SDK1: variants seen among roughly 807,000 people sequenced by gnomAD.
SDK1 encodes protein sidekick-1.
SDK1 carries 157 observed loss-of-function variants against 245.5 expected under a neutral mutation model. The ratio of observed to expected loss-of-function variants is 0.64; its 90% CI spans 0.56 to 0.73. The LOEUF (loss-of-function observed/expected upper bound fraction) is 0.73. SDK1 is among the 30% of genes least tolerant of loss of function. The pLI is 0.00. For missense variants in SDK1, 3,583 were observed against 3,002.3 expected (o/e 1.19, Z -4.52); for synonymous variants, 1,647 against 1,278.5 (o/e 1.29, Z -6.15).
intron 44 of SDK1, among the ~76,000 whole-genome samples, chr7:4,260,418 T>A (rs13232862): frequency 8.4e-4 from 58 of 68,926 alleles, no homozygotes; most frequent in East Asian, 2.4e-3. Flanking sequence ...GTGTGGGAAG[T>A]TGTGTTCATC....
chr7:4,020,388 C>G (rs1786792195), intron 17 of SDK1, among the ~76,000 whole-genome samples: 1 of 152,202 alleles, frequency 6.6e-6, no homozygotes, highest in South Asian at 2.1e-4. Context: ...GCCAGCCACG[C>G]TGCCGCTGAA....
At chr7:4,208,430 C>A in intron 37 of SDK1, 145 bp downstream of exon 37, 1 of 718,518 alleles carries the variant, frequency 1.4e-6, no homozygotes. Context: ...TCTGGATGGG[C>A]AGGACTGGGT....
At position 4,192,531 on chromosome 7, in the gene SDK1, T is replaced by C. The variant is rs371161265; in HGVS notation, c.5099-13348T>C. 4.5e-4 allele frequency among the ~76,000 whole-genome samples: 69 copies of C among 152,302 alleles called. 1 individual carries two copies. The highest frequency in any genetic ancestry group is 1.7e-3 in the African/African-American group (69 of 41,568). ...AACTCGTGATCCACCCGCCTCGGCC[T>C]CCTGAAGTGCTGGGATTACAGGTGT... On this transcript the variant is annotated intron_variant, in intron 35 of 44. Transcript: ENST00000404826.
chr7:3,384,095 G>A (rs2177167), intron 1 of SDK1, among the ~76,000 whole-genome samples: 71,979 of 152,010 alleles, frequency 0.47, 18,830 homozygotes, highest in East Asian at 0.61. Flanking sequence ...AGAAATAATG[G>A]GCAGTTATCA....
chr7:3,675,091 G>T (rs892106900), intron 4 of SDK1, among the ~76,000 whole-genome samples: 1 of 152,156 alleles, frequency 6.6e-6, no homozygotes, highest in East Asian at 1.9e-4. Flanking sequence ...CCATCTCCAC[G>T]TGTGAATCTA....
chr7:3,899,586 C>G (rs2128104772), intron 5 of SDK1, among the ~76,000 whole-genome samples: 1 of 152,376 alleles, frequency 6.6e-6, no homozygotes, highest in African/African-American at 2.4e-5. Flanking sequence ...AGGTGGCACA[C>G]TGCCTTGACC....
In SDK1 at chr7:3,836,947, C is replaced by T. The variant is rs185936788; in HGVS notation, c.847+15364C>T. On this transcript the variant is annotated intron_variant, in intron 5 of 44. Coordinates refer to ENST00000404826, the MANE Select transcript of SDK1 (RefSeq NM_152744.4). ...AGAGCCACCTTTCCACTGATCCTCACGTGGCCTCTCTGGGCATTGGGGGTG... is the reference window on the plus strand; with the variant it reads ...AGAGCCACCTTTCCACTGATCCTCATGTGGCCTCTCTGGGCATTGGGGGTG... Among the ~76,000 whole-genome samples, 12 of 152,216 alleles carry T rather than the reference C, an allele frequency of 7.9e-5. No homozygotes were observed. In the East Asian group the frequency reaches 1.4e-3, roughly 17 times the overall value.
intron 1 of SDK1, among the ~76,000 whole-genome samples, chr7:3,583,786 G>T (rs904664190): frequency 6.6e-6 from 1 of 152,126 alleles, no homozygotes; most frequent in Non-Finnish European, 1.5e-5. Context: ...GAATGCCACC[G>T]AGAGGGCGGC....
chr7:4,127,909 C>T (rs1300137983), intron 26 of SDK1, among the ~76,000 whole-genome samples: 2 of 152,168 alleles, frequency 1.3e-5, no homozygotes, highest in African/African-American at 2.4e-5. Flanking sequence ...TTACACAGCA[C>T]GCCTTGCTCA....
At chr7:3,772,079 G>A (rs897641033) in intron 4 of SDK1, among the ~76,000 whole-genome samples, 2 of 152,170 alleles carry the variant, frequency 1.3e-5, no homozygotes, top group East Asian at 3.8e-4. Context: ...ACTGAAGCCT[G>A]TGTCAGACTT....
chr7:3,443,973 C>A (rs1004354196), intron 1 of SDK1, among the ~76,000 whole-genome samples: 2 of 152,194 alleles, frequency 1.3e-5, no homozygotes, highest in Non-Finnish European at 2.9e-5. Flanking sequence ...TTATTTATTT[C>A]TATCATATAC....
chr7:3,640,467 G>C (rs1277435882), intron 3 of SDK1, among the ~76,000 whole-genome samples: 1 of 152,114 alleles, frequency 6.6e-6, no homozygotes, highest in Non-Finnish European at 1.5e-5. Context: ...CACTAGGAAG[G>C]CTTAAATTTT....
intron 17 of SDK1, among the ~76,000 whole-genome samples, chr7:4,027,494 A>T (rs948918257): frequency 9.2e-5 from 14 of 152,184 alleles, no homozygotes; most frequent in Admixed American, 5.2e-4. Context: ...ATTCACATCC[A>T]CCTGGCCCAG....
At chr7:3,899,261 G>T (rs74917581) in intron 5 of SDK1, among the ~76,000 whole-genome samples, 2 of 152,164 alleles carry the variant, frequency 1.3e-5, no homozygotes, top group East Asian at 3.9e-4. Flanking sequence ...GAAATATTGC[G>T]CTTTAACACT....
chr7:3,421,440 A>G (rs1463008680), intron 1 of SDK1, among the ~76,000 whole-genome samples: 1 of 152,130 alleles, frequency 6.6e-6, no homozygotes, highest in Non-Finnish European at 1.5e-5. Flanking sequence ...TATGATATTC[A>G]TAATTACCAA....
intron 4 of SDK1, among the ~76,000 whole-genome samples, chr7:3,760,493 A>G (rs78308959): frequency 6.6e-6 from 1 of 152,238 alleles, no homozygotes; most frequent in Non-Finnish European, 1.5e-5. Context: ...AAAGTGACCT[A>G]TGAAGTGTTC....
At chr7:3,636,427 A>G (rs1485129670) in intron 2 of SDK1, among the ~76,000 whole-genome samples, 9 of 152,058 alleles carry the variant, frequency 5.9e-5, no homozygotes, top group Admixed American at 1.3e-4. Context: ...GAACTGGACT[A>G]TTTTACATTC....
intron 4 of SDK1, among the ~76,000 whole-genome samples, chr7:3,725,094 C>T (rs1466253111): frequency 6.6e-6 from 1 of 152,178 alleles, no homozygotes; most frequent in South Asian, 2.1e-4. Flanking sequence ...AAAGATAGAT[C>T]TACAGAGCTG....
intron 44 of SDK1, among the ~76,000 whole-genome samples, chr7:4,254,160 T>C (rs1008310082): frequency 6.6e-5 from 10 of 152,138 alleles, no homozygotes; most frequent in Non-Finnish European, 1.5e-5. Flanking sequence ...TTTGGGAAAC[T>C]TTAAGTCATT....
Sources: gnomAD v4.1 joint callset for allele counts (sites outside exome capture counted in the v4.1 genomes callset) on GRCh38, gnomAD v4.1.1 for gene constraint, MANE v1.5 for transcripts, NCBI Gene and HGNC (gene_info 2026-07-23, HGNC 2026-07-21) for gene names.